SEPTIN10: variants seen among roughly 807,000 people sequenced by gnomAD.
SEPTIN10 encodes the protein septin-10.
Under a neutral mutation model 54.8 loss-of-function variants are expected in SEPTIN10, and 66 were observed. The observed-to-expected ratio is 1.21, with a 90% CI of 0.99 to 1.48. SEPTIN10 has a LOEUF of 1.48. SEPTIN10 is among the 40% of genes most tolerant of loss of function. SEPTIN10 has a pLI of 0.00. For synonymous variants in SEPTIN10, 161 were observed against 181.0 expected, an observed-to-expected ratio of 0.89 and a Z score of 0.89; for missense variants, 620 against 545.6, an observed-to-expected ratio of 1.14 and a Z score of -1.36.
At chr2:109,554,253 C>A (rs1186282118) in intron 8 of SEPTIN10, among the ~76,000 whole-genome samples, 4 of 152,140 alleles carry the variant, frequency 2.6e-5, no homozygotes, top group Non-Finnish European at 5.9e-5. Flanking sequence ...TCACCTCCTA[C>A]CACGATGTAA....
chr2:109,564,499 G>A lies in SEPTIN10; in HGVS notation c.895C>T (p.Arg299Trp), dbSNP rs776495707. ...ATATTTGTACAAATGAGCATTTCCC[G>A]CAGCTTTACAAAGTCACAGTGGTTT... ...NENHCDFVKL[R>W]EMLICTNMED... The change falls in exon 8 of 11, where the codon CGG becomes TGG. Residue 299 changes from arginine (R) to tryptophan (W), a missense_variant. Transcript: ENST00000397712. 40 of 1,554,912 alleles carry A rather than the reference G, an allele frequency of 2.6e-5. No homozygotes were observed. The highest frequency in any genetic ancestry group is 1.1e-4 in the East Asian group (5 of 43,486).
At chr2:109,552,252 T>G (rs1442770084) in intron 9 of SEPTIN10, among the ~76,000 whole-genome samples, 1 of 152,164 alleles carries the variant, frequency 6.6e-6, no homozygotes, top group Non-Finnish European at 1.5e-5. Context: ...GCCAAAAAGG[T>G]TGGGGACCAC....
At chr2:109,612,991 A>G in intron 1 of SEPTIN10, 2 of 456,692 alleles carry the variant, frequency 4.4e-6, no homozygotes, top group Non-Finnish European at 8.7e-6. Context: ...CAGCCTCCAA[A>G]GAGCTTTTGT....
At chr2:109,545,418 A>G (rs1336138909) in intron 10 of SEPTIN10, 1 of 1,535,986 alleles carries the variant, frequency 6.5e-7, no homozygotes, top group South Asian at 1.2e-5. Context: ...TATCATCCAC[A>G]TGCTACTCAT....
chr2:109,568,010 AGGAT>A, intron 5 of SEPTIN10, 34 bp from the exon 6 acceptor site: 1 of 1,511,744 alleles, frequency 6.6e-7, no homozygotes, highest in Admixed American at 2.1e-5. Flanking sequence ...AATCTTACTG[AGGAT>A]TTTTTTTTTT....
At chr2:109,603,640 C>A (rs1055115997) in intron 1 of SEPTIN10, among the ~76,000 whole-genome samples, 1 of 152,116 alleles carries the variant, frequency 6.6e-6, no homozygotes, top group Admixed American at 6.6e-5. Flanking sequence ...CAATTTAAAT[C>A]TTAGTACAAT....
intron 4 of SEPTIN10, among the ~76,000 whole-genome samples, chr2:109,576,087 C>T (rs1465377887): frequency 6.6e-6 from 1 of 151,916 alleles, no homozygotes; most frequent in Non-Finnish European, 1.5e-5. Context: ...CAGCGAGACC[C>T]CCATCTCTAC....
At chr2:109,568,732 G>A (rs1010236575) in intron 5 of SEPTIN10, among the ~76,000 whole-genome samples, 2 of 152,046 alleles carry the variant, frequency 1.3e-5, no homozygotes, top group African/African-American at 4.8e-5. Flanking sequence ...CAGGGTGATT[G>A]ATCCCTCAGC....
chr2:109,611,332 AT>A (rs994048086), intron 1 of SEPTIN10, among the ~76,000 whole-genome samples: 6 of 152,248 alleles, frequency 3.9e-5, no homozygotes, highest in African/African-American at 1.2e-4. Flanking sequence ...ATAATGATAA[AT>A]TTCAACAAAA....
At chr2:109,591,390 C>G (rs1437691532) in intron 2 of SEPTIN10, among the ~76,000 whole-genome samples, 1 of 151,858 alleles carries the variant, frequency 6.6e-6, no homozygotes, top group East Asian at 1.9e-4. Context: ...AAAGAGGGGC[C>G]AGGGAAAAAG....
At chr2:109,585,065 C>T in intron 4 of SEPTIN10, 61 bp downstream of exon 4, 2 of 953,698 alleles carry the variant, frequency 2.1e-6, no homozygotes, top group Non-Finnish European at 3.1e-6. Context: ...GTTCATGGGG[C>T]TATAAGGCGA....
chr2:109,591,314 A>C (rs1006702343), intron 2 of SEPTIN10, among the ~76,000 whole-genome samples: 3 of 152,208 alleles, frequency 2.0e-5, no homozygotes, highest in Non-Finnish European at 4.4e-5. Flanking sequence ...CTACAATGAC[A>C]GGATTTTAAT....
intron 2 of SEPTIN10, among the ~76,000 whole-genome samples, chr2:109,591,811 T>C (rs1694131641): frequency 6.6e-6 from 1 of 151,982 alleles, no homozygotes; most frequent in Admixed American, 6.6e-5. Context: ...GGCATGAGAA[T>C]TGCTTGAACC....
chr2:109,592,431 T>C (rs1419844031), intron 2 of SEPTIN10, among the ~76,000 whole-genome samples: 1 of 143,132 alleles, frequency 7.0e-6, no homozygotes. Context: ...CACCATCGCA[T>C]TCCAGCCTGG....
chr2:109,596,561 G>A (rs1425249631), intron 1 of SEPTIN10, among the ~76,000 whole-genome samples: 2 of 151,682 alleles, frequency 1.3e-5, no homozygotes, highest in East Asian at 3.9e-4. Context: ...AGCTTGCAGT[G>A]AGCAGAGATC....
intron 5 of SEPTIN10, among the ~76,000 whole-genome samples, chr2:109,571,809 T>C (rs879284209): frequency 3.9e-5 from 6 of 152,220 alleles, no homozygotes; most frequent in Admixed American, 3.9e-4. Flanking sequence ...CAAGGTGGAC[T>C]GCCTCTGAAC....
In SEPTIN10 at chr2:109,610,095, G is replaced by GTTTTTTTTTTTTTTTTTTTTTTTTTTT. The variant is rs554268137; in HGVS notation, c.30+3702_30+3703insAAAAAAAAAAAAAAAAAAAAAAAAAAA. On this transcript the variant is annotated intron_variant, in intron 1 of 10. Coordinates refer to ENST00000397712, the MANE Select transcript of SEPTIN10 (RefSeq NM_144710.5). ...GCGAGACACTAAACTTCCCTGAGGT[G>GTTTTTTTTTTTTTTTTTTTTTTTTTTT]TTTTTTTTTTTTTAGACAGAGTCTC... 2.1e-5 allele frequency among the ~76,000 whole-genome samples: 3 copies of GTTTTTTTTTTTTTTTTTTTTTTTTTTT among 143,434 alleles called. 1 individual carries two copies. Among genetic ancestry groups the GTTTTTTTTTTTTTTTTTTTTTTTTTTT allele is most frequent in the African/African-American group, 7.8e-5 (3 of 38,486 alleles). 94.1% of individuals were successfully genotyped at this position (143,434 alleles called of 152,430 possible).
chr2:109,590,535 G>T (rs1480950678), intron 2 of SEPTIN10, among the ~76,000 whole-genome samples: 3 of 151,984 alleles, frequency 2.0e-5, no homozygotes, highest in African/African-American at 7.3e-5. Flanking sequence ...GGGTTCAAAT[G>T]ATTCTCCTGC....
chr2:109,546,698 C>T (rs1681339237), intron 9 of SEPTIN10, among the ~76,000 whole-genome samples: 1 of 152,054 alleles, frequency 6.6e-6, no homozygotes, highest in Admixed American at 6.5e-5. Flanking sequence ...CACTGGAAAG[C>T]AAGTGTCAAT....
Sources: allele counts gnomAD v4.1 joint callset (sites outside exome capture counted in the v4.1 genomes callset), GRCh38; gene constraint gnomAD v4.1.1; transcripts MANE v1.5; gene names NCBI Gene and HGNC (gene_info 2026-07-23, HGNC 2026-07-21).